The following NELFB variants were observed in gnomAD, a reference collection of about 807,000 sequenced individuals.
The protein encoded by NELFB is negative elongation factor B.
A neutral mutation model predicts 60.2 loss-of-function variants in NELFB; 34 were observed. That is an observed-to-expected ratio of 0.56 (90% confidence interval 0.43 to 0.75). NELFB has a LOEUF of 0.75. Among genes scored for constraint, NELFB ranks in the 30% least tolerant of loss-of-function variants. The probability of loss-of-function intolerance (pLI) is 0.00; values close to 1 mark genes in which losing one functional copy is unlikely to be tolerated. For synonymous variants in NELFB, 459 were observed against 382.1 expected (o/e 1.20, Z -2.35); for missense variants, 770 against 831.6 (o/e 0.93, Z 0.91).
chr9:137,261,834 C>T (rs1386358618), intron 4 of NELFB, among the ~76,000 whole-genome samples: 3 of 151,516 alleles, frequency 2.0e-5, no homozygotes, highest in East Asian at 1.9e-4. Context: ...CTGGTAGTGG[C>T]CCCGAATGTC....
intron 2 of NELFB, 107 bp from the exon 3 acceptor site, chr9:137,256,222 C>T (rs1390195009): frequency 4.4e-6 from 6 of 1,366,212 alleles, no homozygotes; most frequent in African/African-American, 2.8e-5. Flanking sequence ...ACCCATGTGT[C>T]CTGGGCGTGG....
chr9:137,264,133 C>T (rs542127874), intron 5 of NELFB, 112 bp from the exon 6 acceptor site: 43 of 762,284 alleles, frequency 5.6e-5, no homozygotes, highest in East Asian at 2.4e-4. Context: ...TGCCGCCCCC[C>T]GCAGCAGCTA....
Position 137,267,270 on chromosome 9 carries a change from G to C in NELFB, c.1413G>C (p.Glu471Asp). 1.2e-6 allele frequency: 2 copies of C among 1,613,558 alleles called. No homozygotes were observed. Among genetic ancestry groups the C allele is most frequent in the Non-Finnish European group, 1.7e-6 (2 of 1,179,846 alleles). ...TGCAGGAGCAGCGCATGGCCTGCGA[G>C]GTGGGGCTGTACTACGTCCTGCACA... Residue 471 changes from glutamate (E) to aspartate (D), a missense_variant, in exon 10 of 13, where the codon GAG (glutamate) becomes GAC (aspartate). Glu to Asp is a conservative substitution (Grantham distance 45, BLOSUM62 2). Transcript: ENST00000343053.
intron 5 of NELFB, among the ~76,000 whole-genome samples, chr9:137,263,719 C>G (rs1830485257): frequency 6.6e-6 from 1 of 152,004 alleles, no homozygotes; most frequent in East Asian, 2.0e-4. Context: ...CCGGGGACTC[C>G]CTTGCCCCGT....
chr9:137,257,325 C>T (rs1837571125), intron 4 of NELFB, among the ~76,000 whole-genome samples: 1 of 152,202 alleles, frequency 6.6e-6, no homozygotes, highest in Admixed American at 6.5e-5. Context: ...TCCCCCCTCC[C>T]CTACTTTTTT....
intron 7 of NELFB, 96 bp from the exon 8 acceptor site, chr9:137,266,235 C>T: frequency 3.6e-6 from 4 of 1,097,834 alleles, no homozygotes; most frequent in South Asian, 1.5e-5. Flanking sequence ...TGGCCATGGG[C>T]ACCAGAGATC....
intron 6 of NELFB, among the ~76,000 whole-genome samples, chr9:137,265,387 C>CTTTT (rs66744887): frequency 4.4e-5 from 4 of 91,838 alleles, no homozygotes; most frequent in Non-Finnish European, 5.9e-5. Context: ...AAACCTTAAG[C>CTTTT]TTTTTTTTTT....
In NELFB at chr9:137,263,122, G is replaced by A. The variant is rs760276299; in HGVS notation, c.827G>A (p.Arg276His). The change falls in exon 5 of 13, where the codon CGC becomes CAC. Residue 276 changes from arginine to histidine, a missense_variant. Arg to His is a conservative substitution (Grantham distance 29). Coordinates refer to ENST00000343053, the MANE Select transcript of NELFB (RefSeq NM_015456.5). ...CAGTTTCTGCGCACGCTCTTCCTGC[G>A]CACGCGGAATGTGCACTACTGCACG... The A allele has an allele frequency of 1.2e-6, 2 of 1,614,086 alleles. No individual in the cohort carries two copies. Among genetic ancestry groups the A allele is most frequent in the Non-Finnish European group, 1.7e-6 (2 of 1,180,000 alleles).
rs1206142206 is a variant in NELFB, at chr9:137,266,972, C to T, written c.1268C>T (p.Pro423Leu). ...GTAGAGCTCATCACCAGGTTCCTCC[C>T]GATGCTCATGTCCTTCCTGGTGGAT... Residue 423 changes from proline (P) to leucine (L), a missense_variant, in exon 9 of 13, where the codon CCG (proline) becomes CTG (leucine). Pro to Leu is a moderately conservative substitution (Grantham distance 98). Transcript: ENST00000343053. The T allele has an allele frequency of 2.5e-6, 4 of 1,613,860 alleles. No individual in the cohort carries two copies. Among genetic ancestry groups the T allele is most frequent in the Non-Finnish European group, 3.4e-6 (4 of 1,179,992 alleles).
rs764392619 is a variant in NELFB at position 137,269,554 on chromosome 9, A to G, written c.1489+2208A>G. On this transcript the variant is annotated intron_variant, in intron 10 of 12. Coordinates refer to ENST00000343053, the MANE Select transcript of NELFB (RefSeq NM_015456.5). The surrounding 1 kb of genome is among the most constrained non-coding windows in gnomAD (Gnocchi z 5.3). ...TACGACCACGCGGTCACATAAGCTGACAATACTGTATTTTTACTCCACTTT... is the reference window on the plus strand; with the variant it reads ...TACGACCACGCGGTCACATAAGCTGGCAATACTGTATTTTTACTCCACTTT... Among the ~76,000 whole-genome samples, 1 of 152,230 alleles carries G rather than the reference A, an allele frequency of 6.6e-6. No homozygotes were observed. The highest frequency in any genetic ancestry group is 1.5e-5 in the Non-Finnish European group (1 of 68,038).
In NELFB at chr9:137,267,757, G is replaced by A. The variant is rs568452263; in HGVS notation, c.1489+411G>A. 2.0e-5 allele frequency among the ~76,000 whole-genome samples: 3 copies of A among 152,250 alleles called. No individual in the cohort carries two copies. In the East Asian group the frequency reaches 5.8e-4, roughly 29 times the overall value. ...TCCGCCCGCCTCGGCCTCCCAAAGT[G>A]TTGGGATGACAGGTGTGAGCCACCA... On this transcript the variant is annotated intron_variant, in intron 10 of 12. Coordinates refer to ENST00000343053, the MANE Select transcript of NELFB (RefSeq NM_015456.5).
chr9:137,261,530 CG>C (rs1830446970), intron 4 of NELFB, among the ~76,000 whole-genome samples: 1 of 151,446 alleles, frequency 6.6e-6, no homozygotes, highest in African/African-American at 2.4e-5. Flanking sequence ...TGGCAGCCGG[CG>C]CCTGTAATCC....
Position 137,255,851 on chromosome 9 carries a change from C to T in NELFB, c.247-56C>T. 8 of 1,595,162 alleles carry T rather than the reference C, an allele frequency of 5.0e-6. No individual in the cohort carries two copies. In the Admixed American group the frequency reaches 5.0e-5, roughly 10 times the overall value. On this transcript the variant is annotated intron_variant, in intron 1 of 12. Transcript: ENST00000343053. ...TGCGTGCCTCCCTGTGCTCTCAGGA[C>T]CTCGGGGTGCCCGGGCGCACTGGGC...
chr9:137,270,015 G>C (rs1023940726), intron 10 of NELFB, among the ~76,000 whole-genome samples: 1 of 152,154 alleles, frequency 6.6e-6, no homozygotes, highest in Non-Finnish European at 1.5e-5. Context: ...AGAATACGAA[G>C]TCAAGAGCAT....
At chr9:137,256,463 C>G (rs759754464) in intron 3 of NELFB, 35 bp downstream of exon 3, 1 of 1,573,628 alleles carries the variant, frequency 6.4e-7, no homozygotes, top group South Asian at 1.1e-5. Context: ...TGGCGTGGAC[C>G]GTCCGCCCAC....
rs972587035 is a variant in NELFB, at chr9:137,273,228, G to A, written c.*300G>A. The A allele has an allele frequency of 2.9e-6, 1 of 349,262 alleles. No individual in the cohort carries two copies. Among genetic ancestry groups the A allele is most frequent in the Non-Finnish European group, 5.2e-6 (1 of 191,668 alleles). 21.6% of individuals were successfully genotyped at this position (349,262 alleles called of 1,614,324 possible). ...AAACCACCTGTTTTCCAAGGGGAGA[G>A]GGCGGGGCCTGAGGGTGGGGGCGGG... On this transcript the variant is annotated 3_prime_UTR_variant, in exon 13 of 13. Transcript: ENST00000343053.
In NELFB at chr9:137,263,020, A is replaced by G. The variant is rs201074513; in HGVS notation, c.742-17A>G. Reference sequence around the variant, plus strand: ...GCCCAGGACGGTCTGGGGGCCTGACAGTGCCTCTTGCTGCAGGTGGTGCAG... The same window carrying G: ...GCCCAGGACGGTCTGGGGGCCTGACGGTGCCTCTTGCTGCAGGTGGTGCAG... On this transcript the variant is annotated splice_polypyrimidine_tract_variant and intron_variant, in intron 4 of 12. Coordinates refer to ENST00000343053, the MANE Select transcript of NELFB (RefSeq NM_015456.5). 3.7e-6 allele frequency: 6 copies of G among 1,607,786 alleles called. No individual in the cohort carries two copies. Among genetic ancestry groups the G allele is most frequent in the Admixed American group, 3.3e-5 (2 of 59,932 alleles).
chr9:137,256,024 C>T lies in NELFB; in HGVS notation c.364C>T (p.Leu122=), dbSNP rs139208158. ...ATTCGATGAGCTGCGGGACAAGCTGCTGGAGCGAGTGTCAGCCATCGCTTC... is the reference window on the plus strand; with the variant it reads ...ATTCGATGAGCTGCGGGACAAGCTGTTGGAGCGAGTGTCAGCCATCGCTTC... Residue 122 remains leucine, a synonymous_variant, in exon 2 of 13, where the codon CTG becomes TTG. Coordinates refer to ENST00000343053, the MANE Select transcript of NELFB (RefSeq NM_015456.5). The T allele has an allele frequency of 2.0e-3, 3,150 of 1,613,810 alleles. 24 individuals carry two copies. Among genetic ancestry groups the T allele is most frequent in the South Asian group, 0.013 (1,205 of 91,092 alleles).
chr9:137,255,869 C>T, intron 1 of NELFB, 38 bp from the exon 2 acceptor site: 4 of 1,605,360 alleles, frequency 2.5e-6, no homozygotes, highest in Non-Finnish European at 3.4e-6. Context: ...TGCCCGGGCG[C>T]ACTGGGCTGC....
Sources: allele counts gnomAD v4.1 joint callset (sites outside exome capture counted in the v4.1 genomes callset), GRCh38; gene constraint gnomAD v4.1.1; non-coding constraint Gnocchi (gnomAD v3.1); transcripts MANE v1.5; gene names NCBI Gene and HGNC (gene_info 2026-07-23, HGNC 2026-07-21).